Variants in TMEM91 observed in about 807,000 individuals in gnomAD.
TMEM91 encodes transmembrane protein 91.
A neutral mutation model predicts 13.3 loss-of-function variants in TMEM91; 6 were observed. That is an observed-to-expected ratio of 0.45 (90% CI 0.25 to 0.89). The LOEUF (loss-of-function observed/expected upper bound fraction) is 0.89. Ranked by LOEUF, TMEM91 falls within the 40% of genes least tolerant of loss-of-function variation. TMEM91 has a pLI of 0.19. For missense variants in TMEM91, 193 were observed against 228.7 expected (o/e 0.84, Z 1.01); for synonymous variants, 87 against 101.7 (o/e 0.86, Z 0.87).
chr19:41,370,777 A>G (rs1324689165), intron 1 of TMEM91, among the ~76,000 whole-genome samples: 8 of 151,560 alleles, frequency 5.3e-5, no homozygotes, highest in Non-Finnish European at 1.2e-4. Flanking sequence ...ATCTCTGTTC[A>G]CTGTAACCTC....
intron 1 of TMEM91, among the ~76,000 whole-genome samples, chr19:41,366,052 C>CTTTTTTTTTTTTTTTTTTTTTTTTTCCT (rs11375696): frequency 9.4e-6 from 1 of 105,840 alleles, no homozygotes; most frequent in African/African-American, 3.8e-5. Flanking sequence ...TATTTATTTA[C>CTTTTTTTTTTTTTTTTTTTTTTTTTCCT]TTTTTTTTTT....
At position 41,382,935 on chromosome 19, in the gene TMEM91, TG is replaced by T; in HGVS notation, c.360+17del. Reference sequence around the variant, plus strand: ...CTAGCCCAGAAGGTCAGTCTGTGTGTGGGACTTGGAGGGGACTGGGCATAAA... The same window carrying T: ...CTAGCCCAGAAGGTCAGTCTGTGTGTGGACTTGGAGGGGACTGGGCATAAA... On this transcript the variant is annotated intron_variant, in intron 3 of 3. Coordinates refer to ENST00000392002, the MANE Select transcript of TMEM91 (RefSeq NM_001098821.2). 1 of 1,611,248 alleles carries T rather than the reference TG, an allele frequency of 6.2e-7. No individual in the cohort carries two copies. Among genetic ancestry groups the T allele is most frequent in the Non-Finnish European group, 8.5e-7 (1 of 1,178,314 alleles).
At position 41,382,667 on chromosome 19, in the gene TMEM91, G is replaced by A. The variant is rs2038917392; in HGVS notation, c.211-105G>A. 4.9e-6 allele frequency: 7 copies of A among 1,429,892 alleles called. No individual in the cohort carries two copies. The East Asian group carries it at 1.4e-4, about 29-fold the overall frequency. The allele number at this position is 1,429,892 out of a possible 1,614,324, so 88.6% of individuals were successfully genotyped here. A position where few individuals can be genotyped will look rare whatever the true frequency, so the allele number is the denominator to read the frequency against. On this transcript the variant is annotated intron_variant, in intron 2 of 3. Coordinates refer to ENST00000392002, the MANE Select transcript of TMEM91 (RefSeq NM_001098821.2). ...CACTTTTTTCTCTTTGTATCTCTGG[G>A]GAAGCCCTAGGGGCAGGTATTGGCC...
chr19:41,382,998 C>G, intron 3 of TMEM91, 77 bp downstream of exon 3: 1 of 1,555,934 alleles, frequency 6.4e-7, no homozygotes, highest in Non-Finnish European at 8.7e-7. Context: ...GAGCCATATA[C>G]CTGAGGCGGG....
chr19:41,365,413 T>C (rs912294135), intron 1 of TMEM91, among the ~76,000 whole-genome samples: 3 of 152,156 alleles, frequency 2.0e-5, no homozygotes, highest in African/African-American at 7.2e-5. Context: ...ATTTTGGTTT[T>C]TTACTTTTTG....
chr19:41,382,909 T>C lies in TMEM91; in HGVS notation c.348T>C (p.Cys116=), dbSNP rs2038926267. The change falls in exon 3 of 4, where the codon TGT becomes TGC. Residue 116 remains cysteine (C), a synonymous_variant. Coordinates refer to ENST00000392002, the MANE Select transcript of TMEM91 (RefSeq NM_001098821.2). ...GGCCCGTTGGCATCGCTGCCTTCTG[T>C]CTAGCCCAGAAGGTCAGTCTGTGTG... is the stretch of plus-strand genomic sequence containing the variant. The part of the protein sequence containing the change: ...CFWPVGIAAF[C]LAQKTNKAWA... 1 of 1,613,996 alleles carries C rather than the reference T, an allele frequency of 6.2e-7. No individual in the cohort carries two copies. The highest frequency in any genetic ancestry group is 1.1e-5 in the South Asian group (1 of 91,088).
intron 2 of TMEM91, 138 bp downstream of exon 2, chr19:41,378,657 C>T: frequency 4.8e-6 from 4 of 836,190 alleles, no homozygotes; most frequent in East Asian, 5.3e-5. Flanking sequence ...GTGTGGGCTT[C>T]TGAGATTTCC....
upstream of TMEM91, chr19:41,374,273 A>C (rs539840262): frequency 6.6e-6 from 1 of 152,290 alleles, no homozygotes; most frequent in East Asian, 1.9e-4. Context: ...GGAATCCTCC[A>C]GTCTGGTGAG....
chr19:41,373,315 G>A (rs1432068262), upstream of TMEM91, among the ~76,000 whole-genome samples: 4 of 151,932 alleles, frequency 2.6e-5, no homozygotes, highest in East Asian at 3.9e-4. Flanking sequence ...CAAGGCTAAC[G>A]GCAGCCAGAG....
At chr19:41,377,808 C>T (rs1052528084) in intron 1 of TMEM91, among the ~76,000 whole-genome samples, 5 of 151,264 alleles carry the variant, frequency 3.3e-5, no homozygotes, top group African/African-American at 4.9e-5. Context: ...GTCAGGAGTT[C>T]GGGACCAGCC....
chr19:41,363,970 A>C (rs184521141), upstream of TMEM91: 13 of 279,516 alleles, frequency 4.7e-5, no homozygotes, highest in Admixed American at 6.0e-4. Flanking sequence ...TAGCGCACTT[A>C]ACGGTTAGGA....
Position 41,378,496 on chromosome 19 carries a change from G to C in TMEM91, c.187G>C (p.Glu63Gln). 6.2e-7 allele frequency: 1 copy of C among 1,614,042 alleles called. No individual in the cohort carries two copies. The highest frequency in any genetic ancestry group is 1.1e-5 in the South Asian group (1 of 91,076). The change falls in exon 2 of 4, where the codon GAA becomes CAA. Residue 63 changes from glutamate to glutamine, a missense_variant. Physicochemically the swap from Glu to Gln is conservative, Grantham distance 29. Coordinates refer to ENST00000392002, the MANE Select transcript of TMEM91 (RefSeq NM_001098821.2). The stretch of plus-strand genomic sequence containing the variant: ...TCCCTCCGTGAGCGCTGGCCTGGGG[G>C]AACCAAGGCCCCCTGATGTTGAGGT... The part of the protein sequence containing the change: ...PLPSVSAGLG[E>Q]PRPPDVEDMS...
chr19:41,372,928 C>CTTTTGT (rs113935602), upstream of TMEM91, among the ~76,000 whole-genome samples: 80,904 of 149,736 alleles, frequency 0.54, 22,519 homozygotes, highest in Non-Finnish European at 0.59. Context: ...ATCTCGTGAT[C>CTTTTGT]TTTTGTTTTT....
chr19:41,374,326 A>G (rs2038671219), upstream of TMEM91: 1 of 152,208 alleles, frequency 6.6e-6, no homozygotes, highest in South Asian at 2.1e-4. Context: ...AGGCTCCATG[A>G]AGGAGGTGGA....
At chr19:41,375,544 T>G (rs1599925787), upstream of TMEM91, among the ~76,000 whole-genome samples, 2 of 150,900 alleles carry the variant, frequency 1.3e-5, no homozygotes, top group East Asian at 4.0e-4. Context: ...TCCCAAAGTG[T>G]TGGGATTACA....
intron 2 of TMEM91, among the ~76,000 whole-genome samples, chr19:41,379,706 A>AAGGC (rs1175131177): frequency 6.6e-6 from 1 of 151,898 alleles, no homozygotes. Flanking sequence ...GAAAGAAAGG[A>AAGGC]AGGCAGGCAG....
At chr19:41,378,998 A>AT in intron 2 of TMEM91, among the ~76,000 whole-genome samples, 1 of 151,718 alleles carries the variant, frequency 6.6e-6, no homozygotes. Flanking sequence ...TGCCTGGCTA[A>AT]TTTTTTGGTG....
intron 1 of TMEM91, among the ~76,000 whole-genome samples, chr19:41,365,685 G>C (rs1016312967): frequency 2.2e-4 from 30 of 134,278 alleles, no homozygotes; most frequent in African/African-American, 7.9e-4. Flanking sequence ...GATTACAGGC[G>C]TTAGCCACCG....
At chr19:41,365,925 G>A (rs1051954762) in intron 1 of TMEM91, among the ~76,000 whole-genome samples, 8 of 150,804 alleles carry the variant, frequency 5.3e-5, no homozygotes, top group Non-Finnish European at 1.0e-4. Context: ...TGGTCAGGCT[G>A]GTCTCGAACT....
Sources: allele counts gnomAD v4.1 joint callset (sites outside exome capture counted in the v4.1 genomes callset), GRCh38; gene constraint gnomAD v4.1.1; transcripts MANE v1.5; gene names NCBI Gene and HGNC (gene_info 2026-07-23, HGNC 2026-07-21).